Variants in NHSL1 observed in about 807,000 individuals in gnomAD.
NHSL1 encodes NHS-like protein 1.
In NHSL1, 48 loss-of-function variants were observed where a neutral mutation model predicts 95.0. That is an observed-to-expected ratio of 0.51 (90% CI 0.40 to 0.64). NHSL1 has a LOEUF of 0.64. Among genes scored for constraint, NHSL1 ranks in the 30% least tolerant of loss-of-function variants. The pLI is 0.00. For missense variants in NHSL1, 1,971 were observed against 2,077.7 expected (o/e 0.95, Z 1.00); for synonymous variants, 783 against 833.9 (o/e 0.94, Z 1.05).
intron 1 of NHSL1, among the ~76,000 whole-genome samples, chr6:138,653,018 G>A (rs563118578): frequency 1.3e-5 from 2 of 152,308 alleles, no homozygotes; most frequent in African/African-American, 2.4e-5. Flanking sequence ...GGGAGAGGCT[G>A]TTGAAATTCA....
exon 1 of NHSL1, chr6:138,545,658 G>A: frequency 7.8e-7 from 1 of 1,289,324 alleles, no homozygotes; most frequent in Non-Finnish European, 1.0e-6. Flanking sequence ...GTTCCATGGA[G>A]GGGCTGTGCT....
chr6:138,625,878 A>G (rs542376611), intron 1 of NHSL1, among the ~76,000 whole-genome samples: 52 of 152,306 alleles, frequency 3.4e-4, no homozygotes, highest in African/African-American at 1.3e-3. Flanking sequence ...CTTGGCCTCA[A>G]GCAATCCTCC....
chr6:138,530,041 C>A (rs1782071196), intron 1 of NHSL1, among the ~76,000 whole-genome samples: 1 of 152,186 alleles, frequency 6.6e-6, no homozygotes, highest in African/African-American at 2.4e-5. Flanking sequence ...CCTTAATAAT[C>A]AATTATAGAT....
chr6:138,532,695 G>C (rs1461317749), intron 1 of NHSL1, among the ~76,000 whole-genome samples: 1 of 152,176 alleles, frequency 6.6e-6, no homozygotes, highest in Non-Finnish European at 1.5e-5. Context: ...GAGTAGTTAG[G>C]TGGCTTATTC....
chr6:138,422,572 A>G lies in NHSL1; in HGVS notation c.*1509T>C, dbSNP rs1026456909. ...CGCATTGTCATCCTAGGTCCTTCTA[A>G]TGAAGAAGACAATACTCTAGTTTAT... On this transcript the variant is annotated 3_prime_UTR_variant, in exon 8 of 8. Coordinates refer to ENST00000343505, the MANE Select transcript of NHSL1 (RefSeq NM_001144060.2). 1.3e-5 allele frequency: 2 copies of G among 152,222 alleles called. No individual in the cohort carries two copies. The highest frequency in any genetic ancestry group is 2.4e-5 in the African/African-American group (1 of 41,454). 9.4% of individuals were successfully genotyped at this position (152,222 alleles called of 1,614,324 possible). A position where few individuals can be genotyped will look rare whatever the true frequency, so the allele number is the denominator to read the frequency against.
upstream of NHSL1, among the ~76,000 whole-genome samples, chr6:138,577,324 G>GT (rs1460836825): frequency 2.0e-5 from 3 of 152,208 alleles, no homozygotes; most frequent in Admixed American, 2.0e-4. Context: ...AGTGCCATCA[G>GT]TTTTTTGGCC....
At chr6:138,438,483 T>C (rs182914709) in intron 5 of NHSL1, among the ~76,000 whole-genome samples, 2 of 152,306 alleles carry the variant, frequency 1.3e-5, no homozygotes, top group East Asian at 3.9e-4. Context: ...ATTGTAGTGG[T>C]CTGGAACTAT....
At chr6:138,477,537 A>C (rs1327620132) in intron 2 of NHSL1, among the ~76,000 whole-genome samples, 3 of 152,192 alleles carry the variant, frequency 2.0e-5, no homozygotes, top group African/African-American at 7.2e-5. Context: ...CAGGAGTTTG[A>C]AGCTGTGGTG....
intron 1 of NHSL1, among the ~76,000 whole-genome samples, chr6:138,595,929 T>G (rs1469976504): frequency 6.6e-6 from 1 of 152,202 alleles, no homozygotes; most frequent in Non-Finnish European, 1.5e-5. Context: ...TCCTCCTTAT[T>G]ATTAGCATGG....
At chr6:138,438,904 A>C (rs1776356169) in intron 5 of NHSL1, among the ~76,000 whole-genome samples, 1 of 152,108 alleles carries the variant, frequency 6.6e-6, no homozygotes, top group African/African-American at 2.4e-5. Context: ...CAACAAAATA[A>C]TCCTATCTGA....
intron 1 of NHSL1, among the ~76,000 whole-genome samples, chr6:138,672,174 C>A (rs931964731): frequency 3.3e-5 from 5 of 152,148 alleles, no homozygotes; most frequent in Non-Finnish European, 7.3e-5. Context: ...AGCTCATTCA[C>A]CAAGAGAGAC....
At chr6:138,645,331 C>T (rs542945632) in intron 1 of NHSL1, among the ~76,000 whole-genome samples, 8 of 152,140 alleles carry the variant, frequency 5.3e-5, no homozygotes, top group Admixed American at 2.6e-4. Context: ...GGTTCTCCGG[C>T]TCCTCTCCCA....
At chr6:138,569,382 A>AG (rs1229663420) in intron 1 of NHSL1, among the ~76,000 whole-genome samples, 1 of 151,980 alleles carries the variant, frequency 6.6e-6, no homozygotes, top group Non-Finnish European at 1.5e-5. Context: ...AATGTAAGTT[A>AG]GGGGGGTTGC....
chr6:138,544,983 CTTT>C (rs35979187), intron 1 of NHSL1, among the ~76,000 whole-genome samples: 119 of 83,468 alleles, frequency 1.4e-3, no homozygotes, highest in Non-Finnish European at 1.7e-3. Flanking sequence ...TCTTTCTTTT[CTTT>C]TTTTTTTTTT....
upstream of NHSL1, among the ~76,000 whole-genome samples, chr6:138,501,725 G>A (rs1040291951): frequency 9.9e-5 from 15 of 152,152 alleles, no homozygotes; most frequent in African/African-American, 1.4e-4. Context: ...TAAAGTGGCC[G>A]CAGTTGTTCC....
chr6:138,516,109 C>T (rs558883720), intron 1 of NHSL1, among the ~76,000 whole-genome samples: 32 of 152,202 alleles, frequency 2.1e-4, no homozygotes, highest in South Asian at 4.1e-4. Flanking sequence ...CATGCTCCTG[C>T]GGCTTCGGCT....
intron 1 of NHSL1, among the ~76,000 whole-genome samples, chr6:138,642,288 C>T (rs2114686879): frequency 6.6e-6 from 1 of 152,254 alleles, no homozygotes; most frequent in East Asian, 1.9e-4. Context: ...AGGCTGTATA[C>T]ATTCTCTAAT....
At position 138,629,140 on chromosome 6, in the gene NHSL1, A is replaced by G. The variant is rs568902413; in HGVS notation, c.96+63336T>C. 3.9e-5 allele frequency among the ~76,000 whole-genome samples: 6 copies of G among 152,314 alleles called. 1 individual carries two copies. The East Asian group carries it at 1.2e-3, about 29-fold the overall frequency. On this transcript the variant is annotated intron_variant, in intron 1 of 3. Coordinates refer to the NHSL1 transcript ENST00000491526. Reference sequence around the variant, plus strand: ...TAATCTTAAGTTCTGCCGCCTGTACACATAGGAATATTCTCCTTATAATGT... The same window carrying G: ...TAATCTTAAGTTCTGCCGCCTGTACGCATAGGAATATTCTCCTTATAATGT...
chr6:138,518,316 C>G (rs1781536339), intron 1 of NHSL1, among the ~76,000 whole-genome samples: 1 of 152,074 alleles, frequency 6.6e-6, no homozygotes, highest in South Asian at 2.1e-4. Flanking sequence ...CCTGCTAAGT[C>G]TATCAACTCA....
Sources: allele counts gnomAD v4.1 joint callset (sites outside exome capture counted in the v4.1 genomes callset), GRCh38; gene constraint gnomAD v4.1.1; transcripts MANE v1.5; gene names NCBI Gene and HGNC (gene_info 2026-07-23, HGNC 2026-07-21).